The following GALNTL6 variants were observed in gnomAD, a reference collection of about 807,000 sequenced individuals.
The protein encoded by GALNTL6 is polypeptide N-acetylgalactosaminyltransferase like 6.
In GALNTL6, 46 loss-of-function variants were observed where a neutral mutation model predicts 73.7. The observed-to-expected ratio is 0.62, with a 90% CI of 0.49 to 0.80. The LOEUF is 0.80. GALNTL6 is among the 30% of genes least tolerant of loss of function. The pLI is 0.00. For synonymous variants in GALNTL6, 259 were observed against 263.7 expected, an observed-to-expected ratio of 0.98 and a Z score of 0.17; for missense variants, 604 against 755.0, an observed-to-expected ratio of 0.80 and a Z score of 2.34.
chr4:172,877,949 A>G (rs1745275955), intron 7 of GALNTL6, among the ~76,000 whole-genome samples: 1 of 152,024 alleles, frequency 6.6e-6, no homozygotes, highest in Admixed American at 6.6e-5. Flanking sequence ...GGAAACAAAA[A>G]TAGCAAGAAT....
chr4:172,353,489 T>C (rs942205824), intron 5 of GALNTL6, among the ~76,000 whole-genome samples: 1 of 152,182 alleles, frequency 6.6e-6, no homozygotes, highest in Non-Finnish European at 1.5e-5. Flanking sequence ...ATTGTTATAT[T>C]TCCTTGGTAG....
intron 7 of GALNTL6, among the ~76,000 whole-genome samples, chr4:172,814,702 C>T (rs1741503256): frequency 6.6e-6 from 1 of 152,032 alleles, no homozygotes; most frequent in African/African-American, 2.4e-5. Context: ...AGTACGAAAA[C>T]CACTTCCTTG....
At chr4:172,246,104 G>A (rs1196053776) in intron 3 of GALNTL6, among the ~76,000 whole-genome samples, 2 of 152,120 alleles carry the variant, frequency 1.3e-5, no homozygotes, top group East Asian at 1.9e-4. Flanking sequence ...ATAATAAGAT[G>A]AGAAAATAAG....
chr4:172,915,522 G>A (rs1168693854), intron 8 of GALNTL6, among the ~76,000 whole-genome samples: 2 of 152,164 alleles, frequency 1.3e-5, no homozygotes, highest in Non-Finnish European at 2.9e-5. Flanking sequence ...AAGAAGAAAA[G>A]AGAGAAGAAT....
At chr4:172,799,352 G>T (rs1579497521) in intron 5 of GALNTL6, among the ~76,000 whole-genome samples, 2 of 152,198 alleles carry the variant, frequency 1.3e-5, no homozygotes, top group Admixed American at 1.3e-4. Context: ...AAGTTCAGGA[G>T]GTTTTTCTTG....
At chr4:172,895,607 T>C (rs564692750) in intron 8 of GALNTL6, among the ~76,000 whole-genome samples, 45 of 152,216 alleles carry the variant, frequency 3.0e-4, no homozygotes, top group African/African-American at 1.1e-3. Context: ...CTTGTTTGGG[T>C]TGAATAAAAT....
At chr4:172,576,887 G>A (rs1736976300) in intron 5 of GALNTL6, among the ~76,000 whole-genome samples, 1 of 152,190 alleles carries the variant, frequency 6.6e-6, no homozygotes, top group Admixed American at 6.5e-5. Flanking sequence ...TACGGGTTGT[G>A]CAGGTCAGAA....
chr4:172,703,892 G>T (rs1734175737), intron 5 of GALNTL6, among the ~76,000 whole-genome samples: 1 of 151,838 alleles, frequency 6.6e-6, no homozygotes, highest in African/African-American at 2.4e-5. Flanking sequence ...GGTCTGTTTA[G>T]TTGTTCTGTA....
chr4:172,485,143 T>G (rs1290003827), intron 5 of GALNTL6, among the ~76,000 whole-genome samples: 1 of 152,246 alleles, frequency 6.6e-6, no homozygotes, highest in African/African-American at 2.4e-5. Flanking sequence ...CTTAATTTGT[T>G]CTACTTAAAA....
intron 7 of GALNTL6, among the ~76,000 whole-genome samples, chr4:172,818,938 C>T (rs61424387): frequency 0.016 from 2,421 of 152,288 alleles, 60 homozygotes; most frequent in African/African-American, 0.053. Context: ...CTATGTTCCA[C>T]AGACATATCA....
intron 5 of GALNTL6, among the ~76,000 whole-genome samples, chr4:172,754,394 A>G (rs1319111430): frequency 2.0e-5 from 3 of 152,126 alleles, no homozygotes; most frequent in Non-Finnish European, 4.4e-5. Context: ...AACATGGTGA[A>G]ACCCCGTCTC....
intron 2 of GALNTL6, among the ~76,000 whole-genome samples, chr4:172,196,346 C>T (rs1352625878): frequency 6.6e-6 from 1 of 152,170 alleles, no homozygotes; most frequent in Non-Finnish European, 1.5e-5. Flanking sequence ...GATGGATTTA[C>T]AGCTGAATTC....
At chr4:172,034,509 A>G (rs1741876856) in intron 2 of GALNTL6, among the ~76,000 whole-genome samples, 2 of 151,832 alleles carry the variant, frequency 1.3e-5, no homozygotes, top group African/African-American at 4.8e-5. Context: ...TATTCAGCAT[A>G]TATACTGTGG....
intron 2 of GALNTL6, among the ~76,000 whole-genome samples, chr4:172,126,930 C>T (rs1369957642): frequency 3.3e-5 from 5 of 152,194 alleles, no homozygotes; most frequent in Non-Finnish European, 7.3e-5. Flanking sequence ...GGCAATGACC[C>T]CGCTGTCCTC....
Position 172,700,206 on chromosome 4 carries a change from C to T in GALNTL6, c.554-109155C>T, listed in dbSNP as rs997745044. Among the ~76,000 whole-genome samples, 6 of 152,236 alleles carry T rather than the reference C, an allele frequency of 3.9e-5. No individual in the cohort carries two copies. The Middle Eastern group carries it at 0.017, about 432-fold the overall frequency. On this transcript the variant is annotated intron_variant, in intron 5 of 12. Coordinates refer to ENST00000506823, the MANE Select transcript of GALNTL6 (RefSeq NM_001034845.3). ...AAAAGGGGTAACCAAACAGAGTCAACATGGCCTCCCTGTTTGACTTTATTC... is the reference window on the plus strand; with the variant it reads ...AAAAGGGGTAACCAAACAGAGTCAATATGGCCTCCCTGTTTGACTTTATTC...
At chr4:172,107,238 T>A (rs1732700125) in intron 2 of GALNTL6, among the ~76,000 whole-genome samples, 1 of 152,230 alleles carries the variant, frequency 6.6e-6, no homozygotes. Flanking sequence ...CAAATGACTA[T>A]CCTTTGTGTT....
At chr4:172,126,069 T>A (rs2111008091) in intron 2 of GALNTL6, among the ~76,000 whole-genome samples, 1 of 152,216 alleles carries the variant, frequency 6.6e-6, no homozygotes, top group Admixed American at 6.5e-5. Flanking sequence ...TAGGAAGCAA[T>A]AAATTTTGCA....
intron 5 of GALNTL6, among the ~76,000 whole-genome samples, chr4:172,538,906 GTAGAAT>G (rs1417549230): frequency 6.6e-6 from 1 of 152,118 alleles, no homozygotes; most frequent in Non-Finnish European, 1.5e-5. Context: ...ACAAGATGAA[GTAGAAT>G]TAGAAGTGTA....
At chr4:172,304,093 A>C (rs2111128144) in intron 3 of GALNTL6, among the ~76,000 whole-genome samples, 1 of 152,230 alleles carries the variant, frequency 6.6e-6, no homozygotes, top group African/African-American at 2.4e-5. Context: ...TTTTCTCTCA[A>C]ACTTGATATC....
Sources: gnomAD v4.1 joint callset for allele counts (sites outside exome capture counted in the v4.1 genomes callset) on GRCh38, gnomAD v4.1.1 for gene constraint, MANE v1.5 for transcripts, NCBI Gene and HGNC (gene_info 2026-07-23, HGNC 2026-07-21) for gene names.